The following CEP128 variants were observed in gnomAD, a reference collection of about 807,000 sequenced individuals.
CEP128 encodes centrosomal protein 128, also known as centrosomal protein 128kDa.
CEP128 carries 132 observed loss-of-function variants against 156.7 expected under a neutral mutation model. The observed-to-expected ratio is 0.84, with a 90% CI of 0.73 to 0.97. The LOEUF (loss-of-function observed/expected upper bound fraction) is 0.97. CEP128 is among the 50% of genes least tolerant of loss of function. The probability of loss-of-function intolerance (pLI) is 0.00; values close to 1 mark genes in which losing one functional copy is unlikely to be tolerated. For missense variants in CEP128, 1,252 were observed against 1,281.9 expected (o/e 0.98, Z 0.36); for synonymous variants, 469 against 448.9 (o/e 1.04, Z -0.57).
rs926046304 is a variant in CEP128, at chr14:80,572,920, C to CTGTTTTT, written c.2856+7447_2856+7453dup. 3.9e-5 allele frequency among the ~76,000 whole-genome samples: 6 copies of CTGTTTTT among 151,960 alleles called. No homozygotes were observed. The East Asian group carries it at 9.6e-4, about 24-fold the overall frequency. Reference sequence around the variant, plus strand: ...TATTCTGTAAAACACACCCAGGTCACTGTTTTTTGTTTTTTGTTTTTTGAT... The same window carrying CTGTTTTT: ...TATTCTGTAAAACACACCCAGGTCACTGTTTTTTGTTTTTTGTTTTTTGTTTTTTGAT... On this transcript the variant is annotated intron_variant, in intron 20 of 24. Coordinates refer to ENST00000555265, the MANE Select transcript of CEP128 (RefSeq NM_152446.5).
In CEP128 at chr14:80,850,211, G is replaced by C. The variant is rs554096652; in HGVS notation, c.763-9443C>G. On this transcript the variant is annotated intron_variant, in intron 9 of 24. Coordinates refer to ENST00000555265, the MANE Select transcript of CEP128 (RefSeq NM_152446.5). ...ATGTGTCATACTTTTTAACAGCAGA[G>C]GGTAACACCGTTTCAAATTTAAATT... is the stretch of plus-strand genomic sequence containing the variant. Among the ~76,000 whole-genome samples the C allele has an allele frequency of 1.1e-4, 17 of 152,216 alleles. No homozygotes were observed. In the East Asian group the frequency reaches 1.9e-3, roughly 17 times the overall value.
intron 20 of CEP128, among the ~76,000 whole-genome samples, chr14:80,563,524 C>CTTTTTTTTTTTTTTTTTTTTTTTT (rs540593415): frequency 2.5e-5 from 2 of 78,876 alleles, no homozygotes; most frequent in African/African-American, 1.2e-4. Context: ...GCCTCCAAAT[C>CTTTTTTTTTTTTTTTTTTTTTTTT]TTTTTTTTTT....
At chr14:80,511,361 C>G (rs1888247237) in intron 23 of CEP128, among the ~76,000 whole-genome samples, 2 of 151,838 alleles carry the variant, frequency 1.3e-5, no homozygotes. Flanking sequence ...CAGAATGTAT[C>G]CATTTTATCT....
chr14:80,489,341 G>A (rs970961872), downstream of CEP128, among the ~76,000 whole-genome samples: 5 of 148,880 alleles, frequency 3.4e-5, no homozygotes, highest in African/African-American at 1.2e-4. Context: ...ATTGATAATT[G>A]CAAGAATTGC....
intron 21 of CEP128, among the ~76,000 whole-genome samples, chr14:80,533,653 T>C (rs1214289535): frequency 6.6e-6 from 1 of 151,604 alleles, no homozygotes; most frequent in Non-Finnish European, 1.5e-5. Context: ...GTTATTTTTA[T>C]TCTCCCCTCC....
chr14:80,565,034 G>C (rs1302499830), intron 20 of CEP128, among the ~76,000 whole-genome samples: 1 of 152,094 alleles, frequency 6.6e-6, no homozygotes, highest in Non-Finnish European at 1.5e-5. Flanking sequence ...ACTCCAGCCT[G>C]GGCAAAAGGA....
At chr14:80,832,289 G>C (rs1885845821) in intron 12 of CEP128, among the ~76,000 whole-genome samples, 1 of 151,648 alleles carries the variant, frequency 6.6e-6, no homozygotes, top group Non-Finnish European at 1.5e-5. Flanking sequence ...CAAGAATAGA[G>C]ACAAAATATA....
chr14:80,830,973 C>G, intron 13 of CEP128, 170 bp downstream of exon 13: 1 of 600,024 alleles, frequency 1.7e-6, no homozygotes, highest in East Asian at 2.9e-5. Flanking sequence ...GAGAAATGAA[C>G]CCATAGGAAT....
chr14:80,658,937 C>T (rs1469937022), intron 19 of CEP128, among the ~76,000 whole-genome samples: 1 of 152,150 alleles, frequency 6.6e-6, no homozygotes, highest in African/African-American at 2.4e-5. Flanking sequence ...AACCAGACTG[C>T]ACAATGCAAC....
chr14:80,881,762 T>C (rs559456907), intron 8 of CEP128, among the ~76,000 whole-genome samples: 25 of 152,130 alleles, frequency 1.6e-4, no homozygotes, highest in Non-Finnish European at 3.5e-4. Context: ...CAAGGATGGC[T>C]TAACACATGC....
chr14:80,704,419 A>G (rs1186490809), intron 19 of CEP128, among the ~76,000 whole-genome samples: 4 of 152,050 alleles, frequency 2.6e-5, no homozygotes, highest in Admixed American at 6.6e-5. Context: ...AATGAATGAA[A>G]TGTCAAAGAG....
intron 8 of CEP128, among the ~76,000 whole-genome samples, chr14:80,875,657 T>A (rs1036105371): frequency 1.5e-4 from 23 of 152,108 alleles, no homozygotes; most frequent in African/African-American, 5.6e-4. Flanking sequence ...TGAAAATCAG[T>A]GAGTGGGTTT....
chr14:80,883,673 A>G (rs1247466442), intron 8 of CEP128, among the ~76,000 whole-genome samples: 2 of 152,152 alleles, frequency 1.3e-5, no homozygotes, highest in African/African-American at 4.8e-5. Context: ...TACCCAAAGC[A>G]ATCTACAGAT....
downstream of CEP128, among the ~76,000 whole-genome samples, chr14:80,494,542 C>T (rs568028475): frequency 2.0e-5 from 3 of 151,984 alleles, no homozygotes; most frequent in African/African-American, 7.2e-5. Context: ...GAATTTGGTC[C>T]CATTTTAAAC....
At chr14:80,632,194 T>G (rs1486097539) in intron 19 of CEP128, among the ~76,000 whole-genome samples, 1 of 152,024 alleles carries the variant, frequency 6.6e-6, no homozygotes, top group Non-Finnish European at 1.5e-5. Flanking sequence ...GTATTTTTCT[T>G]TTTAGTTTTC....
intron 13 of CEP128, among the ~76,000 whole-genome samples, chr14:80,815,822 C>T (rs1033928878): frequency 6.6e-6 from 1 of 152,140 alleles, no homozygotes; most frequent in African/African-American, 2.4e-5. Context: ...TGAAACAACT[C>T]AAAAACAGAA....
At chr14:80,567,896 G>T (rs1278347701) in intron 20 of CEP128, among the ~76,000 whole-genome samples, 2 of 151,836 alleles carry the variant, frequency 1.3e-5, no homozygotes, top group Admixed American at 6.6e-5. Flanking sequence ...CCAGGAGAAG[G>T]CCAACAACTC....
At chr14:80,904,690 A>T (rs969140795) in intron 6 of CEP128, 123 bp downstream of exon 6, 2 of 678,222 alleles carry the variant, frequency 2.9e-6, no homozygotes, top group Non-Finnish European at 2.7e-6. Context: ...AGGGATCAGT[A>T]TAAAGTTACT....
rs148769563 is a variant in CEP128 at position 80,799,186 on chromosome 14, G to A, written c.1210-6076C>T. Among the ~76,000 whole-genome samples the A allele has an allele frequency of 4.8e-4, 73 of 152,292 alleles. No homozygotes were observed. The East Asian group carries it at 0.011, about 24-fold the overall frequency. ...CATGAACCAAAGCAACGTTGTTGCC[G>A]GAAGTCAGGGACCCCAAACGGAGGG... On this transcript the variant is annotated intron_variant, in intron 13 of 24. Coordinates refer to ENST00000555265, the MANE Select transcript of CEP128 (RefSeq NM_152446.5).
Sources: gnomAD v4.1 joint callset for allele counts (sites outside exome capture counted in the v4.1 genomes callset) on GRCh38, gnomAD v4.1.1 for gene constraint, MANE v1.5 for transcripts, NCBI Gene and HGNC (gene_info 2026-07-23, HGNC 2026-07-21) for gene names.